The following C4BPA variants were observed in gnomAD, a reference collection of about 807,000 sequenced individuals.
C4BPA encodes C4b-binding protein alpha chain.
In C4BPA, 31 loss-of-function variants were observed where a neutral mutation model predicts 63.7. The ratio of observed to expected loss-of-function variants is 0.49; its 90% confidence interval spans 0.37 to 0.66. C4BPA has a LOEUF of 0.66. Ranked by LOEUF, C4BPA falls within the 30% of genes least tolerant of loss-of-function variation. The pLI is 0.00. For missense variants in C4BPA, 572 were observed against 723.3 expected, an observed-to-expected ratio of 0.79 and a Z score of 2.40; for synonymous variants, 259 against 254.7, an observed-to-expected ratio of 1.02 and a Z score of -0.16.
intron 3 of C4BPA, 54 bp downstream of exon 3, chr1:207,114,339 T>C (rs1270762639): frequency 4.4e-6 from 6 of 1,371,208 alleles, no homozygotes; most frequent in Non-Finnish European, 6.1e-6. Flanking sequence ...TGGAAAGTTG[T>C]CTCAGAAACT....
chr1:207,126,657 A>T, intron 6 of C4BPA, 56 bp from the exon 7 acceptor site: 1 of 1,339,824 alleles, frequency 7.5e-7, no homozygotes, highest in Middle Eastern at 1.9e-4. Context: ...TGGCAGTAAT[A>T]TCCTTATTAC....
At chr1:207,108,748 G>A (rs923424772) in intron 1 of C4BPA, among the ~76,000 whole-genome samples, 6 of 152,046 alleles carry the variant, frequency 3.9e-5, no homozygotes, top group Non-Finnish European at 5.9e-5. Context: ...TTTTTGAGAC[G>A]GAGTCTCTCT....
intron 1 of C4BPA, among the ~76,000 whole-genome samples, chr1:207,107,269 T>C (rs1349525302): frequency 6.6e-6 from 1 of 152,110 alleles, no homozygotes; most frequent in Non-Finnish European, 1.5e-5. Context: ...AAATCCTGGC[T>C]TTGTATGGTG....
chr1:207,120,256 C>T (rs929509337), intron 4 of C4BPA, among the ~76,000 whole-genome samples: 1 of 152,140 alleles, frequency 6.6e-6, no homozygotes, highest in African/African-American at 2.4e-5. Context: ...TACAGGATGC[C>T]CAGTTAAATT....
chr1:207,114,402 C>A, intron 3 of C4BPA, 117 bp downstream of exon 3: 11 of 632,882 alleles, frequency 1.7e-5, no homozygotes, highest in East Asian at 4.0e-5. Context: ...TTACTGATTT[C>A]AATGTACATA....
chr1:207,125,447 A>G (rs2102341761), intron 6 of C4BPA, among the ~76,000 whole-genome samples: 1 of 152,310 alleles, frequency 6.6e-6, no homozygotes, highest in East Asian at 1.9e-4. Flanking sequence ...AACTCATGAT[A>G]AAACCTAAGA....
chr1:207,127,142 A>G (rs1685063828), intron 7 of C4BPA: 1 of 313,078 alleles, frequency 3.2e-6, no homozygotes, highest in African/African-American at 2.1e-5. Context: ...CCTTAAAGGG[A>G]GGTGTTAACA....
At chr1:207,109,643 C>T (rs866069859) in intron 1 of C4BPA, among the ~76,000 whole-genome samples, 4 of 152,160 alleles carry the variant, frequency 2.6e-5, no homozygotes, top group Non-Finnish European at 2.9e-5. Flanking sequence ...TGGCCATGGC[C>T]TAGGTGTGAG....
Position 207,113,036 on chromosome 1 carries a change from C to A in C4BPA, c.11C>A (p.Pro4Gln), listed in dbSNP as rs55867570. Reference protein sequence around the residue: MHPPKTPSGALHRK... With the variant: MHPQKTPSGALHRK... ...GCGAAGCAGCAGGCCATGCACCCCC[C>A]AAAAACTCCATCTGGGGCTCTTCAT... Residue 4 changes from proline (P) to glutamine (Q), a missense_variant, in exon 2 of 12, where the codon CCA (proline) becomes CAA (glutamine). Coordinates refer to ENST00000367070, the MANE Select transcript of C4BPA (RefSeq NM_000715.4). The A allele has an allele frequency of 0.039, 62,318 of 1,596,536 alleles. 1,533 individuals are homozygous for A. Among genetic ancestry groups the A allele is most frequent in the South Asian group, 0.087 (7,652 of 87,878 alleles).
At chr1:207,131,397 T>C (rs1392796217) in intron 7 of C4BPA, 149 bp from the exon 8 acceptor site, 2 of 599,214 alleles carry the variant, frequency 3.3e-6, no homozygotes, top group Non-Finnish European at 5.9e-6. Context: ...CCATGTGTGT[T>C]TTCTGGTGTG....
rs1417371440 is a variant in C4BPA, at chr1:207,124,006, A to G, written c.513A>G (p.Glu171=). 2 of 1,601,508 alleles carry G rather than the reference A, an allele frequency of 1.2e-6. No homozygotes were observed. The highest frequency in any genetic ancestry group is 1.7e-5 in the Admixed American group (1 of 59,716). Residue 171 remains glutamate, a splice_region_variant and synonymous_variant, in exon 5 of 12, where the codon GAA becomes GAG. Transcript: ENST00000367070. ...GGAGTCATCCTCTCCCACAATGTGA[A>G]AGTAAGTAAAGACTCTTCTGACTTG... ...VGWSHPLPQC[E]IVKCKPPPDI... is the part of the protein sequence containing the mutation.
At chr1:207,115,650 C>T (rs1684770985) in intron 4 of C4BPA, 135 bp downstream of exon 4, 3 of 491,886 alleles carry the variant, frequency 6.1e-6, no homozygotes, top group African/African-American at 4.1e-5. Flanking sequence ...TATCTCCATA[C>T]ACCACATTCC....
At chr1:207,108,314 A>T (rs2102327036) in intron 1 of C4BPA, among the ~76,000 whole-genome samples, 1 of 151,834 alleles carries the variant, frequency 6.6e-6, no homozygotes, top group South Asian at 2.1e-4. Context: ...CCAGAAAAAA[A>T]AATTCACTAA....
intron 4 of C4BPA, among the ~76,000 whole-genome samples, chr1:207,123,414 G>GT (rs1019445291): frequency 7.2e-5 from 11 of 152,094 alleles, no homozygotes; most frequent in African/African-American, 1.4e-4. Context: ...CATATCTTTT[G>GT]TTTTTTTCTG....
rs146724239 is a variant in C4BPA, at chr1:207,126,852, T to C, written c.846T>C (p.Asp282=). 3.8e-5 allele frequency: 61 copies of C among 1,613,364 alleles called. No homozygotes were observed. The African/African-American group carries it at 6.9e-4, about 18-fold the overall frequency. ...GAGGCAGCAGTGTAATTCATTGTGA[T>C]GCTGATAGCAAATGGAATCCTTCTC... ...VLRGSSVIHC[D]ADSKWNPSPP... Residue 282 remains aspartate, a synonymous_variant, in exon 7 of 12, where the codon GAT becomes GAC. Transcript: ENST00000367070.
At chr1:207,132,662 A>G (rs1685187839) in intron 8 of C4BPA, among the ~76,000 whole-genome samples, 1 of 152,242 alleles carries the variant, frequency 6.6e-6, no homozygotes, top group Admixed American at 6.5e-5. Context: ...AATATACTTA[A>G]TAAAACTTAC....
intron 9 of C4BPA, among the ~76,000 whole-genome samples, chr1:207,137,260 G>A (rs1043869895): frequency 2.6e-5 from 4 of 152,238 alleles, no homozygotes; most frequent in Non-Finnish European, 5.9e-5. Context: ...CACATACTGT[G>A]AACCCAAAAT....
chr1:207,121,335 G>T (rs556089728), intron 4 of C4BPA, among the ~76,000 whole-genome samples: 54 of 152,104 alleles, frequency 3.6e-4, no homozygotes, highest in African/African-American at 1.3e-3. Context: ...AAGATTCATA[G>T]CTCTTCACTG....
At chr1:207,114,458 T>C (rs1441600718) in intron 3 of C4BPA, among the ~76,000 whole-genome samples, 173 bp downstream of exon 3, 3 of 151,546 alleles carry the variant, frequency 2.0e-5, no homozygotes, top group Non-Finnish European at 4.4e-5. Context: ...TTAGGGGTAG[T>C]TAATTGCATT....
Sources: allele counts gnomAD v4.1 joint callset (sites outside exome capture counted in the v4.1 genomes callset), GRCh38; gene constraint gnomAD v4.1.1; transcripts MANE v1.5; gene names NCBI Gene and HGNC (gene_info 2026-07-23, HGNC 2026-07-21).